The following LITAF variants were observed in gnomAD, a reference collection of about 807,000 sequenced individuals.
LITAF encodes lipopolysaccharide induced TNF factor, also known as lipopolysaccharide-induced tumor necrosis factor-alpha factor.
A neutral mutation model predicts 14.5 loss-of-function variants in LITAF; 9 were observed. That is an observed-to-expected ratio of 0.62 (90% confidence interval 0.37 to 1.08). The LOEUF is 1.08. Among genes scored for constraint, LITAF ranks in the 50% least tolerant of loss-of-function variants. The probability of loss-of-function intolerance (pLI) is 0.01; values close to 1 mark genes in which losing one functional copy is unlikely to be tolerated. For synonymous variants in LITAF, 98 were observed against 88.2 expected, an observed-to-expected ratio of 1.11 and a Z score of -0.62; for missense variants, 206 against 213.4, an observed-to-expected ratio of 0.97 and a Z score of 0.22.
rs1204109352 is a variant in LITAF, at chr16:11,549,963, A to G, written c.378-218T>C. Among the ~76,000 whole-genome samples, 1 of 152,198 alleles carries G rather than the reference A, an allele frequency of 6.6e-6. No homozygotes were observed. The highest frequency in any genetic ancestry group is 1.9e-4 in the East Asian group (1 of 5,194). The stretch of plus-strand genomic sequence containing the variant: ...ACACACAGAGATACAGAGAGGGCAG[A>G]AGGAAATGTGAAGACAGAGGCAGAA... On this transcript the variant is annotated intron_variant, in intron 3 of 3. Transcript: ENST00000622633. The surrounding 1 kb of genome is among the most constrained non-coding windows in gnomAD (Gnocchi z 4.6).
intron 1 of LITAF, among the ~76,000 whole-genome samples, chr16:11,583,940 C>T (rs1451478593): frequency 6.6e-6 from 1 of 152,182 alleles, no homozygotes; most frequent in Non-Finnish European, 1.5e-5. Context: ...CTGAAATAAC[C>T]TGCAGCCAAG....
At chr16:11,638,054 C>CTA (rs372075411), upstream of LITAF, among the ~76,000 whole-genome samples, 13 of 48,114 alleles carry the variant, frequency 2.7e-4, 2 homozygotes, top group South Asian at 1.6e-3. Flanking sequence ...ATATATATAT[C>CTA]TATATATATA....
intron 1 of LITAF, among the ~76,000 whole-genome samples, chr16:11,567,558 A>G (rs1306362028): frequency 6.6e-6 from 1 of 152,234 alleles, no homozygotes; most frequent in Non-Finnish European, 1.5e-5. Context: ...CCAAACCTCA[A>G]GACTGGTTGG....
At chr16:11,588,500 G>C (rs565229101), upstream of LITAF, among the ~76,000 whole-genome samples, 1 of 146,444 alleles carries the variant, frequency 6.8e-6, no homozygotes, top group Non-Finnish European at 1.5e-5. Flanking sequence ...GAAAGAAAGA[G>C]GGAAAGAGGG....
chr16:11,638,026 ATATATCTATATATATC>A (rs2065148099), upstream of LITAF, among the ~76,000 whole-genome samples: 1 of 98,732 alleles, frequency 1.0e-5, no homozygotes, highest in African/African-American at 5.8e-5. Context: ...ATATATATCT[ATATATCTATATATATC>A]TATATATATA....
chr16:11,640,276 A>G (rs914470604), upstream of LITAF, among the ~76,000 whole-genome samples: 4 of 152,206 alleles, frequency 2.6e-5, no homozygotes, highest in African/African-American at 9.6e-5. Context: ...AAACGAATGA[A>G]GGGGTTCTCG....
chr16:11,593,579 T>TC (rs1567257458), intron 1 of LITAF, among the ~76,000 whole-genome samples: 2 of 152,114 alleles, frequency 1.3e-5, no homozygotes, highest in African/African-American at 2.4e-5. Flanking sequence ...TAGGGATAAC[T>TC]CAAATGTCCA....
At chr16:11,568,288 GAA>G (rs35115784) in intron 1 of LITAF, among the ~76,000 whole-genome samples, 19 of 115,732 alleles carry the variant, frequency 1.6e-4, no homozygotes, top group Admixed American at 1.9e-4. Flanking sequence ...ACCCTGTCTC[GAA>G]AAAAAAAAAA....
chr16:11,590,179 C>A (rs2064839630), upstream of LITAF, among the ~76,000 whole-genome samples: 1 of 111,160 alleles, frequency 9.0e-6, no homozygotes, highest in Non-Finnish European at 1.8e-5. Flanking sequence ...AAACGCTTAA[C>A]TAAGGAAGTT....
intron 1 of LITAF, among the ~76,000 whole-genome samples, chr16:11,580,642 C>G (rs1377212213): frequency 6.6e-6 from 1 of 152,152 alleles, no homozygotes; most frequent in Admixed American, 6.5e-5. Context: ...TCTGAGACAA[C>G]TTTCATCATT....
chr16:11,557,009 A>T (rs1190508228), intron 1 of LITAF, among the ~76,000 whole-genome samples: 1 of 151,962 alleles, frequency 6.6e-6, no homozygotes, highest in Non-Finnish European at 1.5e-5. Flanking sequence ...CACATCTTAA[A>T]CCATTACCAG....
At chr16:11,550,819 C>A (rs1358382361) in intron 3 of LITAF, among the ~76,000 whole-genome samples, 1 of 152,116 alleles carries the variant, frequency 6.6e-6, no homozygotes, top group Non-Finnish European at 1.5e-5. Flanking sequence ...TCCTGATGAG[C>A]CATGGCGTCT....
intron 3 of LITAF, among the ~76,000 whole-genome samples, chr16:11,628,023 A>C (rs28634248): frequency 3.6e-5 from 5 of 140,842 alleles, no homozygotes; most frequent in Admixed American, 6.8e-5. Flanking sequence ...AAAAAAAAAA[A>C]AAAAAAAAAA....
chr16:11,608,934 G>T (rs141079436), intron 3 of LITAF, among the ~76,000 whole-genome samples: 1 of 151,618 alleles, frequency 6.6e-6, no homozygotes, highest in African/African-American at 2.4e-5. Context: ...GGGTGACAGA[G>T]TGAGACTCTG....
intron 1 of LITAF, among the ~76,000 whole-genome samples, chr16:11,564,814 C>G (rs1243810207): frequency 6.6e-6 from 1 of 152,050 alleles, no homozygotes; most frequent in African/African-American, 2.4e-5. Context: ...TCAAATGATT[C>G]CACTGAGATG....
chr16:11,614,820 G>C (rs2065007099), intron 3 of LITAF, among the ~76,000 whole-genome samples: 1 of 152,190 alleles, frequency 6.6e-6, no homozygotes, highest in Non-Finnish European at 1.5e-5. Flanking sequence ...ATGCCTACTA[G>C]AAAATTTAAA....
chr16:11,554,787 CAAA>C (rs56346206), intron 2 of LITAF, among the ~76,000 whole-genome samples: 6 of 64,504 alleles, frequency 9.3e-5, no homozygotes, highest in African/African-American at 1.2e-4. Flanking sequence ...GACTCTACCT[CAAA>C]AAAAAAAAAA....
chr16:11,611,035 A>C (rs533786427), intron 3 of LITAF, among the ~76,000 whole-genome samples: 1 of 152,034 alleles, frequency 6.6e-6, no homozygotes, highest in African/African-American at 2.4e-5. Flanking sequence ...GAGTCGTCCT[A>C]CCTCCCAGAT....
intron 1 of LITAF, among the ~76,000 whole-genome samples, chr16:11,563,828 G>A (rs1418023115): frequency 1.3e-5 from 2 of 152,040 alleles, no homozygotes; most frequent in African/African-American, 4.8e-5. Context: ...CATATTTACT[G>A]CTTCAAGCCC....
Sources: allele counts gnomAD v4.1 joint callset (sites outside exome capture counted in the v4.1 genomes callset), GRCh38; gene constraint gnomAD v4.1.1; non-coding constraint Gnocchi (gnomAD v3.1); transcripts MANE v1.5; gene names NCBI Gene and HGNC (gene_info 2026-07-23, HGNC 2026-07-21).